TMEM232: variants seen among roughly 807,000 people sequenced by gnomAD.
The protein encoded by TMEM232 is transmembrane protein 232.
Under a neutral mutation model 78.8 loss-of-function variants are expected in TMEM232, and 80 were observed. The ratio of observed to expected loss-of-function variants is 1.01; its 90% confidence interval spans 0.85 to 1.22. The LOEUF is 1.22. TMEM232 is among the 50% of genes most tolerant of loss of function. TMEM232 has a pLI of 0.00. For synonymous variants in TMEM232, 297 were observed against 254.3 expected, an observed-to-expected ratio of 1.17 and a Z score of -1.60; for missense variants, 881 against 742.2, an observed-to-expected ratio of 1.19 and a Z score of -2.17.
chr5:110,575,636 A>C (rs1233758303), intron 10 of TMEM232, among the ~76,000 whole-genome samples: 2 of 152,038 alleles, frequency 1.3e-5, no homozygotes, highest in Non-Finnish European at 2.9e-5. Context: ...GAGACTAATC[A>C]AAAAACAACT....
intron 7 of TMEM232, among the ~76,000 whole-genome samples, chr5:110,624,899 GA>G (rs1784215441): frequency 6.6e-6 from 1 of 151,700 alleles, no homozygotes; most frequent in African/African-American, 2.4e-5. Flanking sequence ...AAGTTGTTAA[GA>G]AAAACAAATT....
intron 1 of TMEM232, among the ~76,000 whole-genome samples, chr5:110,712,419 T>C (rs1796587213): frequency 6.6e-6 from 1 of 151,724 alleles, no homozygotes; most frequent in African/African-American, 2.4e-5. Context: ...AATAATCTAA[T>C]CAAAAAGTAG....
chr5:110,727,445 C>T (rs940852838), upstream of TMEM232, among the ~76,000 whole-genome samples: 1 of 152,062 alleles, frequency 6.6e-6, no homozygotes, highest in Non-Finnish European at 1.5e-5. Flanking sequence ...CCCGTCTCTA[C>T]TAAAAATACA....
intron 8 of TMEM232, chr5:110,610,689 T>C (rs926803927): frequency 2.9e-5 from 11 of 379,406 alleles, no homozygotes; most frequent in African/African-American, 2.1e-4. Context: ...AAATTAAACA[T>C]ATAAAAACAA....
At chr5:110,507,522 T>A (rs887621153) in intron 12 of TMEM232, among the ~76,000 whole-genome samples, 3 of 152,188 alleles carry the variant, frequency 2.0e-5, no homozygotes, top group African/African-American at 7.2e-5. Flanking sequence ...GAAGCAAATA[T>A]GCAGAATATG....
At chr5:110,611,912 T>A (rs1315031995) in intron 8 of TMEM232, among the ~76,000 whole-genome samples, 1 of 152,092 alleles carries the variant, frequency 6.6e-6, no homozygotes, top group African/African-American at 2.4e-5. Context: ...CACCGTCAGA[T>A]CCTGAATTGG....
At chr5:110,554,297 C>A (rs1481395194) in intron 11 of TMEM232, among the ~76,000 whole-genome samples, 1 of 152,124 alleles carries the variant, frequency 6.6e-6, no homozygotes, top group Non-Finnish European at 1.5e-5. Flanking sequence ...CAGACTACAT[C>A]TTTCTCCTGT....
At chr5:110,537,662 A>T (rs1202030042) in intron 11 of TMEM232, among the ~76,000 whole-genome samples, 1 of 152,194 alleles carries the variant, frequency 6.6e-6, no homozygotes. Context: ...AGTCCCCCTC[A>T]CACTCAAAGG....
rs191626026 is a variant in TMEM232 at position 110,605,504 on chromosome 5, G to A, written c.1027-146C>T. On this transcript the variant is annotated intron_variant, in intron 9 of 13. Transcript: ENST00000455884. The stretch of plus-strand genomic sequence containing the variant: ...TTAAAAAATGGGTTTACCATGAGTA[G>A]ACTGCATAAAATACAGTTCAAAGAA... 3.5e-5 allele frequency: 29 copies of A among 820,644 alleles called. No individual in the cohort carries two copies. The African/African-American group carries it at 4.1e-4, about 11-fold the overall frequency. The allele number at this position is 820,644 out of a possible 1,614,324, so 50.8% of individuals were successfully genotyped here. A position where few individuals can be genotyped will look rare whatever the true frequency, so the allele number is the denominator to read the frequency against.
intron 1 of TMEM232, among the ~76,000 whole-genome samples, chr5:110,726,231 T>C (rs1164495748): frequency 2.0e-5 from 3 of 151,936 alleles, no homozygotes; most frequent in Non-Finnish European, 4.4e-5. Flanking sequence ...AAGGTGCAAT[T>C]TCACCAACCA....
chr5:110,570,301 C>T (rs1776795002), intron 10 of TMEM232, among the ~76,000 whole-genome samples: 1 of 151,850 alleles, frequency 6.6e-6, no homozygotes, highest in South Asian at 2.1e-4. Flanking sequence ...TTGCACTGAA[C>T]ATTTGGACTA....
intron 2 of TMEM232, among the ~76,000 whole-genome samples, chr5:110,731,942 G>A (rs1353628419): frequency 6.6e-6 from 1 of 152,102 alleles, no homozygotes; most frequent in African/African-American, 2.4e-5. Flanking sequence ...TTTATGCTCT[G>A]TTTCCCTTTT....
intron 12 of TMEM232, among the ~76,000 whole-genome samples, chr5:110,462,376 C>T (rs1409771216): frequency 5.9e-5 from 9 of 152,072 alleles, no homozygotes; most frequent in Non-Finnish European, 1.0e-4. Flanking sequence ...GATTAATATT[C>T]GAGTTAGTGG....
At chr5:110,451,308 C>T (rs1466666779) in intron 12 of TMEM232, among the ~76,000 whole-genome samples, 1 of 152,114 alleles carries the variant, frequency 6.6e-6, no homozygotes, top group African/African-American at 2.4e-5. Context: ...ATCTCCAGAA[C>T]CTAGAATATA....
intron 7 of TMEM232, among the ~76,000 whole-genome samples, chr5:110,624,920 T>A (rs1201060980): frequency 6.6e-6 from 1 of 152,120 alleles, no homozygotes; most frequent in Non-Finnish European, 1.5e-5. Context: ...TTTCTATTTA[T>A]AAACTGTAAA....
chr5:110,416,940 GA>G (rs375133838), downstream of TMEM232, among the ~76,000 whole-genome samples: 121 of 152,042 alleles, frequency 8.0e-4, no homozygotes, highest in African/African-American at 2.9e-3. Context: ...ATTCTATCAG[GA>G]AAAAAGCTTA....
chr5:110,439,351 C>T (rs1219384108), intron 12 of TMEM232, among the ~76,000 whole-genome samples: 4 of 152,086 alleles, frequency 2.6e-5, no homozygotes, highest in African/African-American at 7.2e-5. Flanking sequence ...TAATTAATCT[C>T]GTTTTATAGT....
intron 12 of TMEM232, among the ~76,000 whole-genome samples, chr5:110,435,327 A>G (rs1436748045): frequency 6.6e-6 from 1 of 151,614 alleles, no homozygotes; most frequent in Non-Finnish European, 1.5e-5. Flanking sequence ...TTACTTTTCT[A>G]ATGTTTAAAT....
At chr5:110,678,306 T>C (rs536405487) in intron 1 of TMEM232, among the ~76,000 whole-genome samples, 2 of 152,106 alleles carry the variant, frequency 1.3e-5, no homozygotes, top group African/African-American at 4.8e-5. Context: ...CTCAGGTGAT[T>C]CCCCTGCCTC....
Sources: allele counts gnomAD v4.1 joint callset (sites outside exome capture counted in the v4.1 genomes callset), GRCh38; gene constraint gnomAD v4.1.1; transcripts MANE v1.5; gene names NCBI Gene and HGNC (gene_info 2026-07-23, HGNC 2026-07-21).